The following TRPM3 variants were observed in gnomAD, a reference collection of about 807,000 sequenced individuals.
TRPM3 encodes the protein transient receptor potential cation channel subfamily M member 3, also known as long transient receptor potential channel 3.
TRPM3 carries 77 observed loss-of-function variants against 181.2 expected under a neutral mutation model. The ratio of observed to expected loss-of-function variants is 0.42; its 90% CI spans 0.35 to 0.51. The LOEUF (loss-of-function observed/expected upper bound fraction) is 0.51, where lower values mean the gene tolerates loss of function less well. Ranked by LOEUF, TRPM3 falls within the 20% of genes least tolerant of loss-of-function variation. The pLI, the probability that TRPM3 is intolerant of heterozygous loss-of-function variation, is 0.01. For missense variants in TRPM3, 1,759 were observed against 2,196.7 expected, an observed-to-expected ratio of 0.80 and a Z score of 3.98; for synonymous variants, 745 against 796.4, an observed-to-expected ratio of 0.94 and a Z score of 1.09.
intron 1 of TRPM3, among the ~76,000 whole-genome samples, chr9:71,195,227 C>A (rs113076937): frequency 2.6e-5 from 4 of 152,168 alleles, no homozygotes; most frequent in African/African-American, 9.6e-5. Context: ...AGACAACCTA[C>A]AGAATGGGAG....
intron 1 of TRPM3, among the ~76,000 whole-genome samples, chr9:71,096,386 G>A (rs1452030450): frequency 6.6e-6 from 1 of 150,920 alleles, no homozygotes; most frequent in Non-Finnish European, 1.5e-5. Flanking sequence ...TTAATTGAAA[G>A]TCATTAGAAT....
intron 1 of TRPM3, among the ~76,000 whole-genome samples, chr9:70,946,939 GACC>G (rs2096940212): frequency 6.6e-6 from 1 of 152,120 alleles, no homozygotes; most frequent in Non-Finnish European, 1.5e-5. Flanking sequence ...CCTGTAAATT[GACC>G]ACAATTTGTG....
At chr9:71,096,164 T>C (rs1251139294) in intron 1 of TRPM3, among the ~76,000 whole-genome samples, 1 of 151,810 alleles carries the variant, frequency 6.6e-6, no homozygotes, top group African/African-American at 2.4e-5. Flanking sequence ...CATCTTAAAA[T>C]AGACCAGTGA....
intron 3 of TRPM3, among the ~76,000 whole-genome samples, chr9:70,860,194 G>A (rs1430414352): frequency 6.6e-6 from 1 of 152,064 alleles, no homozygotes; most frequent in African/African-American, 2.4e-5. Flanking sequence ...CATCAAATAA[G>A]GCAACTATGC....
chr9:71,381,485 G>A (rs2092799464), intron 1 of TRPM3, among the ~76,000 whole-genome samples: 1 of 152,122 alleles, frequency 6.6e-6, no homozygotes, highest in South Asian at 2.1e-4. Context: ...TGATTAAGTG[G>A]AATTCTAGGC....
rs76352874 is a variant in TRPM3 at position 71,365,520 on chromosome 9, T to C, written c.183+81133A>G. 1.1e-4 allele frequency among the ~76,000 whole-genome samples: 17 copies of C among 152,300 alleles called. No homozygotes were observed. In the East Asian group the frequency reaches 3.1e-3, roughly 28 times the overall value. ...GGACTAGCTGTACAGGTAGAATAGA[T>C]AGTAACATACGGATTATGATTTTAG... is the stretch of plus-strand genomic sequence containing the variant. On this transcript the variant is annotated intron_variant, in intron 1 of 24. Transcript: ENST00000357533.
At chr9:71,097,096 C>T (rs1013440560) in intron 1 of TRPM3, among the ~76,000 whole-genome samples, 15 of 152,182 alleles carry the variant, frequency 9.9e-5, no homozygotes, top group African/African-American at 3.6e-4. Flanking sequence ...TCATGGTTTG[C>T]TGTCAGAAAG....
At chr9:71,341,845 A>C (rs1472156931) in intron 1 of TRPM3, among the ~76,000 whole-genome samples, 1 of 152,040 alleles carries the variant, frequency 6.6e-6, no homozygotes, top group Non-Finnish European at 1.5e-5. Context: ...ACTTTTGTGT[A>C]TCTTCTGCAT....
At chr9:70,995,333 G>A (rs1466001003) in intron 1 of TRPM3, among the ~76,000 whole-genome samples, 3 of 152,166 alleles carry the variant, frequency 2.0e-5, no homozygotes, top group Non-Finnish European at 4.4e-5. Context: ...ATTTTCTCTA[G>A]TTCAGGGGAG....
At chr9:71,216,308 T>A (rs1165543580) in intron 1 of TRPM3, among the ~76,000 whole-genome samples, 1 of 152,184 alleles carries the variant, frequency 6.6e-6, no homozygotes, top group African/African-American at 2.4e-5. Context: ...GTCAAACAGA[T>A]AAAATGCATT....
intron 1 of TRPM3, among the ~76,000 whole-genome samples, chr9:71,174,115 A>C (rs182013066): frequency 2.6e-5 from 4 of 152,340 alleles, no homozygotes; most frequent in Admixed American, 1.3e-4. Flanking sequence ...AATTAAAATA[A>C]AGTTAGAAAT....
chr9:70,922,019 C>T (rs2096662511), intron 1 of TRPM3, among the ~76,000 whole-genome samples: 1 of 151,142 alleles, frequency 6.6e-6, no homozygotes, highest in Admixed American at 6.6e-5. Flanking sequence ...CAAGCTGGAT[C>T]AATAAGCTGG....
At chr9:70,934,465 A>G (rs1013737053) in intron 1 of TRPM3, among the ~76,000 whole-genome samples, 2 of 152,142 alleles carry the variant, frequency 1.3e-5, no homozygotes, top group African/African-American at 4.8e-5. Flanking sequence ...TAATCTGGAG[A>G]ATATGAGCAT....
At chr9:70,636,187 G>T (rs1383271555) in intron 11 of TRPM3, among the ~76,000 whole-genome samples, 1 of 151,736 alleles carries the variant, frequency 6.6e-6, no homozygotes, top group Non-Finnish European at 1.5e-5. Context: ...ATGATTCAAT[G>T]AAATTTTAAT....
intron 1 of TRPM3, among the ~76,000 whole-genome samples, chr9:71,323,253 G>T (rs1323649983): frequency 6.6e-6 from 1 of 152,070 alleles, no homozygotes; most frequent in Admixed American, 6.6e-5. Context: ...GAGTGAAAGT[G>T]AATTTAAAGG....
At chr9:71,290,895 A>T (rs1317761409) in intron 1 of TRPM3, among the ~76,000 whole-genome samples, 3 of 152,142 alleles carry the variant, frequency 2.0e-5, no homozygotes, top group Non-Finnish European at 4.4e-5. Flanking sequence ...AAGAGAAAAA[A>T]GTTGAAAAAG....
chr9:70,588,477 A>G (rs376843631), intron 22 of TRPM3, among the ~76,000 whole-genome samples: 1 of 151,782 alleles, frequency 6.6e-6, no homozygotes, highest in African/African-American at 2.4e-5. Flanking sequence ...AAAAAAAAAA[A>G]GAGTTAGCTA....
At chr9:70,922,954 A>G (rs1221507090) in intron 1 of TRPM3, among the ~76,000 whole-genome samples, 1 of 152,202 alleles carries the variant, frequency 6.6e-6, no homozygotes, top group Non-Finnish European at 1.5e-5. Context: ...CTCATCTGCT[A>G]TGAGATCATC....
intron 1 of TRPM3, among the ~76,000 whole-genome samples, chr9:70,929,629 G>C (rs17056011): frequency 0.088 from 13,335 of 152,032 alleles, 677 homozygotes; most frequent in African/African-American, 0.14. Flanking sequence ...TGTCCTACTG[G>C]ATCCTAGTTG....
Sources: allele counts gnomAD v4.1 joint callset (sites outside exome capture counted in the v4.1 genomes callset), GRCh38; gene constraint gnomAD v4.1.1; transcripts MANE v1.5; gene names NCBI Gene and HGNC (gene_info 2026-07-23, HGNC 2026-07-21).